SEC24D: variants seen among roughly 807,000 people sequenced by gnomAD.
SEC24D encodes protein transport protein Sec24D.
In SEC24D, 69 loss-of-function variants were observed where a neutral mutation model predicts 116.9. That is an observed-to-expected ratio of 0.59 (90% CI 0.49 to 0.72). The LOEUF (loss-of-function observed/expected upper bound fraction) is 0.72, where lower values mean the gene tolerates loss of function less well. Among genes scored for constraint, SEC24D ranks in the 30% least tolerant of loss-of-function variants. SEC24D has a pLI of 0.00. For missense variants in SEC24D, 1,131 were observed against 1,264.1 expected, an observed-to-expected ratio of 0.89 and a Z score of 1.60; for synonymous variants, 405 against 442.8, an observed-to-expected ratio of 0.91 and a Z score of 1.07.
chr4:118,724,055 A>G (rs1395238035), intron 22 of SEC24D, among the ~76,000 whole-genome samples: 1 of 152,222 alleles, frequency 6.6e-6, no homozygotes, highest in Non-Finnish European at 1.5e-5. Context: ...ACAAATTATC[A>G]TCATAATGAG....
At chr4:118,747,921 C>T (rs572431084) in intron 13 of SEC24D, among the ~76,000 whole-genome samples, 2 of 152,252 alleles carry the variant, frequency 1.3e-5, no homozygotes, top group Non-Finnish European at 2.9e-5. Flanking sequence ...ATTCCATCAT[C>T]CAGTACACAT....
chr4:118,754,371 C>T (rs1209953694), intron 11 of SEC24D, among the ~76,000 whole-genome samples: 6 of 152,108 alleles, frequency 3.9e-5, no homozygotes, highest in South Asian at 2.1e-4. Context: ...TTGAATCTTA[C>T]TCTTCAAAAC....
intron 3 of SEC24D, among the ~76,000 whole-genome samples, chr4:118,821,247 T>G (rs1730389043): frequency 6.6e-6 from 1 of 152,242 alleles, no homozygotes; most frequent in Non-Finnish European, 1.5e-5. Flanking sequence ...AATCAATTTC[T>G]TAGTAGATTC....
intron 3 of SEC24D, among the ~76,000 whole-genome samples, chr4:118,819,173 A>T (rs1412111288): frequency 1.3e-5 from 2 of 152,220 alleles, no homozygotes; most frequent in East Asian, 3.8e-4. Flanking sequence ...TGTTTTGTAA[A>T]TCCATTGTTT....
intron 8 of SEC24D, among the ~76,000 whole-genome samples, chr4:118,792,736 C>G (rs1728982758): frequency 6.6e-6 from 1 of 152,074 alleles, no homozygotes; most frequent in Admixed American, 6.5e-5. Flanking sequence ...CTCAAGTACC[C>G]AGGGACACAA....
At position 118,828,113 on chromosome 4, in the gene SEC24D, CT is replaced by C. The variant is rs560161546; in HGVS notation, c.119-3365del. ...CTGTTCTAGGTTCAGGACATTAATA[CT>C]TTTTTTTTTTTTGAGACAGAATCTC... is the stretch of plus-strand genomic sequence containing the variant. On this transcript the variant is annotated intron_variant, in intron 2 of 22. Coordinates refer to ENST00000280551, the MANE Select transcript of SEC24D (RefSeq NM_014822.4). 7.2e-3 allele frequency among the ~76,000 whole-genome samples: 1,042 copies of C among 145,716 alleles called. 4 individuals are homozygous for C. Among genetic ancestry groups the C allele is most frequent in the Non-Finnish European group, 0.011 (737 of 65,916 alleles).
intron 8 of SEC24D, among the ~76,000 whole-genome samples, chr4:118,796,113 C>T (rs944078383): frequency 6.6e-6 from 1 of 152,096 alleles, no homozygotes; most frequent in African/African-American, 2.4e-5. Context: ...AGTGTAGTTA[C>T]ATGTTAATGG....
chr4:118,795,102 T>G (rs1030825938), intron 8 of SEC24D, among the ~76,000 whole-genome samples: 3 of 152,166 alleles, frequency 2.0e-5, no homozygotes, highest in Admixed American at 2.0e-4. Context: ...ATCTTTGGAT[T>G]GTTTATGTTT....
intron 8 of SEC24D, among the ~76,000 whole-genome samples, chr4:118,781,793 A>C (rs1728424621): frequency 6.6e-6 from 1 of 151,190 alleles, no homozygotes; most frequent in Admixed American, 6.6e-5. Flanking sequence ...ATTTCTTTTT[A>C]CTCTTTTTTC....
chr4:118,732,291 C>T (rs1725733233), intron 20 of SEC24D, among the ~76,000 whole-genome samples: 1 of 152,074 alleles, frequency 6.6e-6, no homozygotes, highest in Non-Finnish European at 1.5e-5. Context: ...CACATACCAC[C>T]ACGCCCGGCT....
chr4:118,752,667 CT>C (rs1185048893), intron 12 of SEC24D, 29 bp downstream of exon 12: 2 of 1,514,124 alleles, frequency 1.3e-6, no homozygotes, highest in Non-Finnish European at 1.8e-6. Context: ...ACCTGATTTA[CT>C]TTTAAATTAT....
chr4:118,764,161 T>C lies in SEC24D; in HGVS notation c.1296+641A>G, dbSNP rs1560657075. On this transcript the variant is annotated intron_variant, in intron 10 of 22. Transcript: ENST00000280551. ...CTGAAGAGACAGCTGAGGTGATAGT[T>C]TGGGGGGCAATGCTTAATGGCCTTA... Among the ~76,000 whole-genome samples the C allele has an allele frequency of 2.6e-5, 4 of 152,102 alleles. 1 individual carries two copies. The South Asian group carries it at 6.2e-4, about 24-fold the overall frequency.
Position 118,739,248 on chromosome 4 carries a change from G to A in SEC24D, c.2278C>T (p.Leu760Phe). Residue 760 changes from leucine (L) to phenylalanine (F), a missense_variant, in exon 18 of 23, where the codon CTT (leucine) becomes TTT (phenylalanine). Transcript: ENST00000280551. ...LYTTISGQRR[L>F]RIHNLGLNCS... is the part of the protein sequence containing the mutation. ...TTTAAGCCAAGATTGTGAATCCGAAGTCTTCTTTGACCACTGATTGTCGTG... is the reference window on the plus strand; with the variant it reads ...TTTAAGCCAAGATTGTGAATCCGAAATCTTCTTTGACCACTGATTGTCGTG... 2 of 1,613,726 alleles carry A rather than the reference G, an allele frequency of 1.2e-6. No individual in the cohort carries two copies. Among genetic ancestry groups the A allele is most frequent in the Non-Finnish European group, 1.7e-6 (2 of 1,179,672 alleles).
intron 3 of SEC24D, among the ~76,000 whole-genome samples, chr4:118,822,618 C>G (rs1264692946): frequency 6.6e-6 from 1 of 152,116 alleles, no homozygotes; most frequent in Non-Finnish European, 1.5e-5. Flanking sequence ...GTCACCCAGC[C>G]TGGAATATAA....
chr4:118,792,104 T>C (rs1312717304), intron 8 of SEC24D, among the ~76,000 whole-genome samples: 3 of 146,556 alleles, frequency 2.0e-5, no homozygotes, highest in Non-Finnish European at 4.5e-5. Context: ...CGCCGCCCCG[T>C]CTGAGATGTG....
At chr4:118,812,131 G>C (rs115485705) in intron 6 of SEC24D, among the ~76,000 whole-genome samples, 6,652 of 152,194 alleles carry the variant, frequency 0.044, 203 homozygotes, top group Non-Finnish European at 0.064. Flanking sequence ...CCAGTATACC[G>C]TACTTGACAA....
chr4:118,799,840 C>T (rs758325510), intron 7 of SEC24D, among the ~76,000 whole-genome samples: 58 of 151,994 alleles, frequency 3.8e-4, no homozygotes, highest in Non-Finnish European at 7.2e-4. Flanking sequence ...TGGCAATAGT[C>T]CTTTTAAGTT....
intron 6 of SEC24D, among the ~76,000 whole-genome samples, chr4:118,813,325 C>T (rs1729995693): frequency 6.6e-6 from 1 of 152,188 alleles, no homozygotes; most frequent in African/African-American, 2.4e-5. Flanking sequence ...CAGCACAGCC[C>T]TGCTTAGTCC....
At chr4:118,814,899 C>T in intron 6 of SEC24D, 129 bp downstream of exon 6, 1 of 1,023,996 alleles carries the variant, frequency 9.8e-7, no homozygotes, top group South Asian at 1.6e-5. Context: ...GGAAGCCTTC[C>T]CTCTATGTGA....
Sources: gnomAD v4.1 joint callset for allele counts (sites outside exome capture counted in the v4.1 genomes callset) on GRCh38, gnomAD v4.1.1 for gene constraint, MANE v1.5 for transcripts, NCBI Gene and HGNC (gene_info 2026-07-23, HGNC 2026-07-21) for gene names.